Variants in KAT2B observed in about 807,000 individuals in gnomAD.
KAT2B encodes histone acetyltransferase KAT2B.
Under a neutral mutation model 105.9 loss-of-function variants are expected in KAT2B, and 36 were observed. That is an observed-to-expected ratio of 0.34 (90% CI 0.26 to 0.45). The LOEUF (loss-of-function observed/expected upper bound fraction) is 0.45. Ranked by LOEUF, KAT2B falls within the 20% of genes least tolerant of loss-of-function variation. KAT2B has a pLI of 1.00. For synonymous variants in KAT2B, 397 were observed against 377.9 expected (o/e 1.05, Z -0.59); for missense variants, 820 against 1,021.6 (o/e 0.80, Z 2.69).
chr3:20,041,841 A>G (rs1559507632), intron 1 of KAT2B, among the ~76,000 whole-genome samples: 2 of 152,210 alleles, frequency 1.3e-5, no homozygotes, highest in African/African-American at 4.8e-5. Flanking sequence ...AGCTGCAGTG[A>G]CCACTTCTGA....
chr3:20,076,410 A>G (rs1277696373), intron 2 of KAT2B, among the ~76,000 whole-genome samples: 2 of 151,894 alleles, frequency 1.3e-5, no homozygotes, highest in Admixed American at 1.3e-4. Flanking sequence ...ATTACTGCAC[A>G]TTTTCAAGTG....
At chr3:20,094,608 A>T (rs1698777853) in intron 2 of KAT2B, among the ~76,000 whole-genome samples, 1 of 152,166 alleles carries the variant, frequency 6.6e-6, no homozygotes, top group South Asian at 2.1e-4. Context: ...AGGTCACAAA[A>T]CTATAGTAAG....
chr3:20,058,888 G>T (rs1698047812), intron 1 of KAT2B, among the ~76,000 whole-genome samples: 1 of 152,146 alleles, frequency 6.6e-6, no homozygotes, highest in African/African-American at 2.4e-5. Flanking sequence ...TCAAAGAGTG[G>T]TCTTCACCCA....
intron 1 of KAT2B, among the ~76,000 whole-genome samples, chr3:20,044,275 A>C (rs1697767794): frequency 6.6e-6 from 1 of 151,858 alleles, no homozygotes; most frequent in Non-Finnish European, 1.5e-5. Context: ...GAGTCCAGGA[A>C]TTTGAGGCCA....
chr3:20,146,847 C>T (rs921638733), intron 14 of KAT2B, among the ~76,000 whole-genome samples: 3 of 152,234 alleles, frequency 2.0e-5, no homozygotes, highest in Non-Finnish European at 4.4e-5. Context: ...GATGGCCGAA[C>T]ACCTTACTGT....
rs916980498 is a variant in KAT2B, at chr3:20,101,353, G to A, written c.736G>A (p.Glu246Lys). 6.2e-7 allele frequency: 1 copy of A among 1,614,064 alleles called. No homozygotes were observed. Among genetic ancestry groups the A allele is most frequent in the East Asian group, 2.2e-5 (1 of 44,870 alleles). Residue 246 changes from glutamate to lysine, a missense_variant, in exon 5 of 18, where the codon GAG (glutamate) becomes AAG (lysine). Transcript: ENST00000263754. ...LPAKERQTIVELAKMFLNRIN... is the reference protein window; with the variant it reads ...LPAKERQTIVKLAKMFLNRIN... ...AGCAAAAGAAAGGCAAACAATAGTT[G>A]AGTTGGCAAAAATGTTCCTAAACCG... is the stretch of plus-strand genomic sequence containing the variant.
chr3:20,041,344 C>A (rs1697716247), intron 1 of KAT2B, among the ~76,000 whole-genome samples: 1 of 152,086 alleles, frequency 6.6e-6, no homozygotes, highest in South Asian at 2.1e-4. Flanking sequence ...TGGTGCCTGG[C>A]GCCCTCGGCT....
chr3:20,148,090 T>A, intron 15 of KAT2B, 91 bp downstream of exon 15: 1 of 1,400,156 alleles, frequency 7.1e-7, no homozygotes, highest in Non-Finnish European at 1.0e-6. Flanking sequence ...CTAATTGTAA[T>A]CACTAACACA....
At chr3:20,130,483 C>T (rs1699489835) in intron 11 of KAT2B, among the ~76,000 whole-genome samples, 1 of 152,170 alleles carries the variant, frequency 6.6e-6, no homozygotes, top group Non-Finnish European at 1.5e-5. Flanking sequence ...GGGTGAAGAC[C>T]TGGAAAATAT....
At chr3:20,042,572 G>C (rs1697738977) in intron 1 of KAT2B, among the ~76,000 whole-genome samples, 1 of 152,172 alleles carries the variant, frequency 6.6e-6, no homozygotes, top group Admixed American at 6.5e-5. Flanking sequence ...CAATTACTTG[G>C]TGGCCTTGGC....
intron 11 of KAT2B, among the ~76,000 whole-genome samples, chr3:20,130,790 G>C (rs1699495534): frequency 6.6e-6 from 1 of 152,048 alleles, no homozygotes. Flanking sequence ...ACTTGAAACT[G>C]TAGTTTTAGA....
At chr3:20,129,800 G>A (rs974030861) in intron 11 of KAT2B, among the ~76,000 whole-genome samples, 2 of 152,124 alleles carry the variant, frequency 1.3e-5, no homozygotes, top group Non-Finnish European at 2.9e-5. Flanking sequence ...GACAGTGCTG[G>A]TCTAAGTATT....
chr3:20,118,778 AT>A (rs1264380264), intron 7 of KAT2B, among the ~76,000 whole-genome samples: 12 of 147,228 alleles, frequency 8.2e-5, no homozygotes, highest in Non-Finnish European at 1.5e-4. Flanking sequence ...TATAATATAT[AT>A]ATTTATACGT....
chr3:20,062,198 T>TAA lies in KAT2B; in HGVS notation c.304-10134_304-10133insAA, dbSNP rs1174879200. On this transcript the variant is annotated intron_variant, in intron 1 of 17. Coordinates refer to ENST00000263754, the MANE Select transcript of KAT2B (RefSeq NM_003884.5). ...TAATATATAATATATAAAATATATA[T>TAA]ATTTTATATAAAATATATTATATAT... Among the ~76,000 whole-genome samples the TAA allele has an allele frequency of 3.9e-4, 19 of 48,830 alleles. 1 individual carries two copies. The East Asian group carries it at 0.016, about 41-fold the overall frequency. The allele number at this position is 48,830 out of a possible 152,430, so 32.0% of individuals were successfully genotyped here.
intron 1 of KAT2B, among the ~76,000 whole-genome samples, chr3:20,062,216 T>A (rs1232481869): frequency 4.6e-5 from 3 of 65,180 alleles, no homozygotes; most frequent in African/African-American, 6.0e-5. Context: ...ATAAAATATA[T>A]TATATATAAA....
rs75513656 is a variant in KAT2B, at chr3:20,100,164, T to C, written c.669+210T>C. The stretch of plus-strand genomic sequence containing the variant: ...GCTTTTGCCTTTTAGGGTTGTTACA[T>C]ACTCACAGTTTACTGTGTGTTTGGG... On this transcript the variant is annotated intron_variant, in intron 4 of 17. Transcript: ENST00000263754. 9.2e-3 allele frequency among the ~76,000 whole-genome samples: 1,406 copies of C among 152,312 alleles called. 10 individuals carry two copies. Among genetic ancestry groups the C allele is most frequent in the Non-Finnish European group, 0.016 (1,056 of 68,018 alleles).
At chr3:20,114,819 A>T (rs1234342721) in intron 6 of KAT2B, 63 bp from the exon 7 acceptor site, 1 of 850,848 alleles carries the variant, frequency 1.2e-6, no homozygotes, top group Admixed American at 2.1e-5. Context: ...GTCACAGATA[A>T]TTAGGGCTGT....
intron 7 of KAT2B, 77 bp from the exon 8 acceptor site, chr3:20,119,521 C>T: frequency 6.6e-7 from 1 of 1,517,674 alleles, no homozygotes; most frequent in Non-Finnish European, 9.1e-7. Context: ...GTGGGGTGGT[C>T]CCATGTGCAC....
At chr3:20,125,873 T>A in intron 9 of KAT2B, 32 bp from the exon 10 acceptor site, 1 of 1,554,864 alleles carries the variant, frequency 6.4e-7, no homozygotes, top group Non-Finnish European at 8.9e-7. Context: ...AGAATAGCTC[T>A]GTGTAATTTT....
Sources: gnomAD v4.1 joint callset for allele counts (sites outside exome capture counted in the v4.1 genomes callset) on GRCh38, gnomAD v4.1.1 for gene constraint, MANE v1.5 for transcripts, NCBI Gene and HGNC (gene_info 2026-07-23, HGNC 2026-07-21) for gene names.